Variants in ANGPT2 observed in about 807,000 individuals in gnomAD.
ANGPT2 encodes angiopoietin 2.
ANGPT2 carries 28 observed loss-of-function variants against 62.9 expected under a neutral mutation model. That is an observed-to-expected ratio of 0.44 (90% CI 0.33 to 0.61). The LOEUF (loss-of-function observed/expected upper bound fraction) is 0.61. Among genes scored for constraint, ANGPT2 ranks in the 20% least tolerant of loss-of-function variants. The pLI, the probability that ANGPT2 is intolerant of heterozygous loss-of-function variation, is 0.03. For missense variants in ANGPT2, 727 were observed against 594.9 expected, an observed-to-expected ratio of 1.22 and a Z score of -2.31; for synonymous variants, 284 against 207.8, an observed-to-expected ratio of 1.37 and a Z score of -3.15.
At position 6,513,780 on chromosome 8, in the gene ANGPT2, T is replaced by C; in HGVS notation, c.1094A>G (p.Gln365Arg). 1.2e-6 allele frequency: 2 copies of C among 1,614,134 alleles called. No homozygotes were observed. The highest frequency in any genetic ancestry group is 1.7e-6 in the Non-Finnish European group (2 of 1,180,000). ...GTGTATTTTAAGCACATAGCGTTGC[T>C]GATTAGTCAGTTGCGAAACAAACTC... ...GNEFVSQLTN[Q>R]QRYVLKIHLK... The change falls in exon 7 of 9, where the codon CAG (glutamine) becomes CGG (arginine). Residue 365 changes from glutamine to arginine, a missense_variant. Coordinates refer to ENST00000629816, the MANE Select transcript of ANGPT2 (RefSeq NM_001118887.2).
intron 3 of ANGPT2, among the ~76,000 whole-genome samples, chr8:6,525,412 T>C (rs1818155711): frequency 6.6e-6 from 1 of 150,462 alleles, no homozygotes; most frequent in Non-Finnish European, 1.5e-5. Context: ...GTATTTTTTG[T>C]AAAAATGAGT....
intron 3 of ANGPT2, among the ~76,000 whole-genome samples, chr8:6,525,062 C>G (rs541732643): frequency 1.3e-5 from 2 of 152,308 alleles, no homozygotes; most frequent in South Asian, 2.1e-4. Flanking sequence ...CCTTTTAGTT[C>G]GAATGATCTG....
intron 8 of ANGPT2, chr8:6,507,518 C>T (rs1037014472): frequency 6.6e-6 from 1 of 151,338 alleles, no homozygotes; most frequent in Non-Finnish European, 1.5e-5. Context: ...AGCGTTTGTT[C>T]CTGTCAGTGA....
At chr8:6,527,343 A>C (rs1246293319) in intron 3 of ANGPT2, among the ~76,000 whole-genome samples, 1 of 152,244 alleles carries the variant, frequency 6.6e-6, no homozygotes, top group African/African-American at 2.4e-5. Flanking sequence ...GGGGCCAGGG[A>C]ATGAAAGGTA....
chr8:6,563,011 C>G lies in ANGPT2; in HGVS notation c.-77G>C, dbSNP rs1825795762. The G allele has an allele frequency of 6.8e-7, 1 of 1,481,132 alleles. No homozygotes were observed. Among genetic ancestry groups the G allele is most frequent in the Admixed American group, 2.0e-5 (1 of 49,516 alleles). 91.7% of individuals were successfully genotyped at this position (1,481,132 alleles called of 1,614,324 possible). A position where few individuals can be genotyped will look rare whatever the true frequency, so the allele number is the denominator to read the frequency against. On this transcript the variant is annotated 5_prime_UTR_variant, in exon 1 of 9. Coordinates refer to ENST00000629816, the MANE Select transcript of ANGPT2 (RefSeq NM_001118887.2). ...GTCCAGAGTCCCGAGCTGCTGCCGT[C>G]TAAAACGCAGGGCTGCTACGCTGCC...
rs1185600427 is a variant in ANGPT2, at chr8:6,502,709, T to C, written c.*392A>G. On this transcript the variant is annotated 3_prime_UTR_variant, in exon 9 of 9. Transcript: ENST00000629816. ...TATTTACACAGTGTATAAACAGTGC[T>C]CAGAAGAATGCAGTTCCAAGATGAT... The C allele has an allele frequency of 4.9e-6, 1 of 204,600 alleles. No individual in the cohort carries two copies. The highest frequency in any genetic ancestry group is 2.3e-5 in the African/African-American group (1 of 43,012). The allele number at this position is 204,600 out of a possible 1,614,324, so 12.7% of individuals were successfully genotyped here.
At chr8:6,523,816 T>C (rs952599100) in intron 3 of ANGPT2, among the ~76,000 whole-genome samples, 14 of 152,064 alleles carry the variant, frequency 9.2e-5, no homozygotes, top group Non-Finnish European at 2.9e-5. Flanking sequence ...CTCGAACTCC[T>C]GACTTCCTGA....
chr8:6,505,317 T>G, intron 8 of ANGPT2, among the ~76,000 whole-genome samples: 3 of 61,474 alleles, frequency 4.9e-5, no homozygotes, highest in African/African-American at 1.7e-4. Flanking sequence ...ATAACATATA[T>G]ATGTTATATA....
At chr8:6,509,535 GA>G (rs1814521365) in intron 7 of ANGPT2, among the ~76,000 whole-genome samples, 1 of 152,164 alleles carries the variant, frequency 6.6e-6, no homozygotes. Flanking sequence ...GAAATCTACA[GA>G]ACGGTGCTGA....
chr8:6,527,536 G>C lies in ANGPT2; in HGVS notation c.566+19C>G, dbSNP rs764471351. 1.9e-6 allele frequency: 3 copies of C among 1,610,894 alleles called. No individual in the cohort carries two copies. Among genetic ancestry groups the C allele is most frequent in the South Asian group, 1.1e-5 (1 of 90,480 alleles). Reference sequence around the variant, plus strand: ...AAGTGTGCAGTCCTGAATTATAAATGTTTTAGTACTGTTATTACCTGTTCT... The same window carrying C: ...AAGTGTGCAGTCCTGAATTATAAATCTTTTAGTACTGTTATTACCTGTTCT... On this transcript the variant is annotated intron_variant, in intron 3 of 8. Transcript: ENST00000629816.
chr8:6,506,175 C>G (rs1813695152), intron 8 of ANGPT2, among the ~76,000 whole-genome samples: 1 of 151,686 alleles, frequency 6.6e-6, no homozygotes, highest in Non-Finnish European at 1.5e-5. Flanking sequence ...TTTGCGTGTT[C>G]TATTCAGAAT....
chr8:6,540,596 C>T (rs1002710454), intron 1 of ANGPT2, among the ~76,000 whole-genome samples: 1 of 152,156 alleles, frequency 6.6e-6, no homozygotes, highest in African/African-American at 2.4e-5. Flanking sequence ...CGTTGTCAGG[C>T]CACGTCTGCA....
chr8:6,500,136 G>C lies in ANGPT2; in HGVS notation c.*2965C>G. On this transcript the variant is annotated 3_prime_UTR_variant, in exon 9 of 9. Coordinates refer to ENST00000629816, the MANE Select transcript of ANGPT2 (RefSeq NM_001118887.2). ...GAGACCATTGTGCAAAAAGTAGTGA[G>C]GAATGCAGTCCAAAGAAAATTTGAC... is the stretch of plus-strand genomic sequence containing the variant. The C allele has an allele frequency of 1.8e-6, 1 of 566,384 alleles. No homozygotes were observed. Among genetic ancestry groups the C allele is most frequent in the Non-Finnish European group, 3.2e-6 (1 of 315,904 alleles). 35.1% of individuals were successfully genotyped at this position (566,384 alleles called of 1,614,324 possible).
intron 8 of ANGPT2, among the ~76,000 whole-genome samples, chr8:6,507,032 G>A (rs574071256): frequency 6.6e-6 from 1 of 151,900 alleles, no homozygotes; most frequent in Non-Finnish European, 1.5e-5. Context: ...TGAGTAGCTG[G>A]GATTACAGGC....
intron 3 of ANGPT2, among the ~76,000 whole-genome samples, chr8:6,521,903 T>C (rs558372204): frequency 1.3e-5 from 2 of 152,342 alleles, no homozygotes; most frequent in South Asian, 4.1e-4. Context: ...TACTCCTTCA[T>C]GGGGAGGTGA....
intron 2 of ANGPT2, among the ~76,000 whole-genome samples, chr8:6,530,140 TTAGTATCA>T (rs1365809827): frequency 5.9e-5 from 9 of 152,148 alleles, no homozygotes; most frequent in Non-Finnish European, 8.8e-5. Context: ...CCCATCAGTG[TTAGTATCA>T]AAAGGTGGGG....
chr8:6,522,793 A>T (rs913632286), intron 3 of ANGPT2, among the ~76,000 whole-genome samples: 1 of 151,846 alleles, frequency 6.6e-6, no homozygotes, highest in African/African-American at 2.4e-5. Flanking sequence ...AAAGAAAAGA[A>T]AAGAAATGTA....
chr8:6,528,697 C>T (rs769154388), intron 2 of ANGPT2, among the ~76,000 whole-genome samples: 4 of 152,346 alleles, frequency 2.6e-5, no homozygotes, highest in Admixed American at 2.0e-4. Flanking sequence ...TCACTTCCTC[C>T]ATGTCATGCT....
rs542238362 is a variant in ANGPT2 at position 6,563,206 on chromosome 8, G to T, written c.-272C>A. 12 of 296,390 alleles carry T rather than the reference G, an allele frequency of 4.0e-5. No individual in the cohort carries two copies. The highest frequency in any genetic ancestry group is 7.1e-5 in the Non-Finnish European group (11 of 154,244). 18.4% of individuals were successfully genotyped at this position (296,390 alleles called of 1,614,324 possible). On this transcript the variant is annotated 5_prime_UTR_variant, in exon 1 of 9. Coordinates refer to ENST00000629816, the MANE Select transcript of ANGPT2 (RefSeq NM_001118887.2). ...TCAGCTTTTACAGAGCAGCTTTCAC[G>T]GTCCTTTGTTCCTCTCTCCCCAGAT...
Sources: allele counts gnomAD v4.1 joint callset (sites outside exome capture counted in the v4.1 genomes callset), GRCh38; gene constraint gnomAD v4.1.1; transcripts MANE v1.5; gene names NCBI Gene and HGNC (gene_info 2026-07-23, HGNC 2026-07-21).